The following CDH12 variants were observed in gnomAD, a reference collection of about 807,000 sequenced individuals.
CDH12 encodes the protein cadherin 12, also known as cadherin-12.
Under a neutral mutation model 74.1 loss-of-function variants are expected in CDH12, and 41 were observed. The ratio of observed to expected loss-of-function variants is 0.55; its 90% confidence interval spans 0.43 to 0.72. The LOEUF (loss-of-function observed/expected upper bound fraction) is 0.72. CDH12 is among the 30% of genes least tolerant of loss of function. The probability of loss-of-function intolerance (pLI) is 0.00; values close to 1 mark genes in which losing one functional copy is unlikely to be tolerated. For synonymous variants in CDH12, 399 were observed against 355.0 expected (o/e 1.12, Z -1.39); for missense variants, 945 against 977.2 (o/e 0.97, Z 0.44).
chr5:21,777,688 A>G (rs1198064276), intron 11 of CDH12, among the ~76,000 whole-genome samples: 1 of 152,078 alleles, frequency 6.6e-6, no homozygotes, highest in Non-Finnish European at 1.5e-5. Flanking sequence ...ACAAGATTTC[A>G]CCATGTTGGC....
chr5:21,862,506 G>A (rs1054223091), intron 6 of CDH12, among the ~76,000 whole-genome samples: 2 of 152,068 alleles, frequency 1.3e-5, no homozygotes, highest in African/African-American at 4.8e-5. Flanking sequence ...AGTAGTCATA[G>A]TTAATTCATT....
At chr5:22,686,907 C>A (rs906602487) in intron 1 of CDH12, among the ~76,000 whole-genome samples, 1 of 151,796 alleles carries the variant, frequency 6.6e-6, no homozygotes, top group Non-Finnish European at 1.5e-5. Flanking sequence ...TAAAAATACT[C>A]TCTTTTTCCT....
chr5:21,889,337 G>A (rs2150042403), intron 6 of CDH12, among the ~76,000 whole-genome samples: 1 of 152,208 alleles, frequency 6.6e-6, no homozygotes, highest in Middle Eastern at 3.4e-3. Context: ...GGGAGATGTG[G>A]TATCTGGCTC....
Position 22,830,677 on chromosome 5 carries a change from T to C in CDH12, c.-523+22381A>G, listed in dbSNP as rs1365867940. 2.6e-5 allele frequency among the ~76,000 whole-genome samples: 4 copies of C among 151,848 alleles called. No homozygotes were observed. The East Asian group carries it at 7.7e-4, about 29-fold the overall frequency. On this transcript the variant is annotated intron_variant, in intron 1 of 14. Coordinates refer to ENST00000382254, the MANE Select transcript of CDH12 (RefSeq NM_004061.5). The stretch of plus-strand genomic sequence containing the variant: ...TTCTGATTCCTAGAAAGAGATAATG[T>C]ATCATTTTTCAAATTGCCTTTAGAA...
At chr5:22,306,601 A>G (rs995037705) in intron 3 of CDH12, among the ~76,000 whole-genome samples, 4 of 152,162 alleles carry the variant, frequency 2.6e-5, no homozygotes. Flanking sequence ...CAGAAATTAA[A>G]TGAGGATGCT....
chr5:22,142,394 A>C, intron 4 of CDH12: 1 of 522,196 alleles, frequency 1.9e-6, no homozygotes, highest in Non-Finnish European at 3.7e-6. Flanking sequence ...AAAACCAAAG[A>C]AAAAACATAA....
chr5:22,401,262 G>A (rs1275045731), intron 3 of CDH12, among the ~76,000 whole-genome samples: 1 of 152,096 alleles, frequency 6.6e-6, no homozygotes, highest in African/African-American at 2.4e-5. Flanking sequence ...TATCAACTGA[G>A]ATTTAAAACT....
chr5:22,386,667 A>C (rs189992522), intron 3 of CDH12, among the ~76,000 whole-genome samples: 1 of 152,172 alleles, frequency 6.6e-6, no homozygotes. Flanking sequence ...TAAATGTGAT[A>C]ATTCATATAT....
chr5:22,472,885 T>TGCA (rs1746022872), intron 2 of CDH12, among the ~76,000 whole-genome samples: 1 of 152,138 alleles, frequency 6.6e-6, no homozygotes, highest in Admixed American at 6.6e-5. Flanking sequence ...CCTTTTAAAA[T>TGCA]GCAAGTCATA....
chr5:21,871,302 C>T (rs1312357037), intron 6 of CDH12, among the ~76,000 whole-genome samples: 1 of 152,038 alleles, frequency 6.6e-6, no homozygotes, highest in Non-Finnish European at 1.5e-5. Flanking sequence ...TTTATCTTTG[C>T]TTTAGTTCCC....
At chr5:22,847,021 C>G (rs141833506) in intron 1 of CDH12, among the ~76,000 whole-genome samples, 8 of 152,126 alleles carry the variant, frequency 5.3e-5, no homozygotes, top group Non-Finnish European at 8.8e-5. Flanking sequence ...GTTATTGACA[C>G]GACTACAATT....
intron 6 of CDH12, among the ~76,000 whole-genome samples, chr5:21,856,111 T>C (rs2150002437): frequency 6.6e-6 from 1 of 151,784 alleles, no homozygotes; most frequent in Non-Finnish European, 1.5e-5. Flanking sequence ...TGAAGACTAA[T>C]ATTATCCATC....
chr5:22,269,893 A>T (rs192264263), intron 3 of CDH12, among the ~76,000 whole-genome samples: 35 of 152,330 alleles, frequency 2.3e-4, no homozygotes, highest in African/African-American at 7.5e-4. Flanking sequence ...CTTTCATTTG[A>T]AAACAAATCA....
At chr5:22,602,392 A>G (rs182220518) in intron 1 of CDH12, among the ~76,000 whole-genome samples, 1 of 152,310 alleles carries the variant, frequency 6.6e-6, no homozygotes, top group East Asian at 1.9e-4. Flanking sequence ...GAAAACTATC[A>G]TTAGCTTATA....
intron 1 of CDH12, among the ~76,000 whole-genome samples, chr5:22,589,204 C>T: frequency 6.6e-6 from 1 of 152,082 alleles, no homozygotes. Context: ...TGAATTCCTA[C>T]AATGTGCATG....
intron 4 of CDH12, chr5:22,151,816 A>G (rs1747601563): frequency 6.6e-6 from 1 of 152,172 alleles, no homozygotes; most frequent in African/African-American, 2.4e-5. Context: ...TGTATCTTTT[A>G]CTCACATAAA....
chr5:22,282,235 T>C (rs1409901853), intron 3 of CDH12, among the ~76,000 whole-genome samples: 1 of 152,000 alleles, frequency 6.6e-6, no homozygotes, highest in Admixed American at 6.6e-5. Context: ...CTTATAAAAA[T>C]ATTAACTCAA....
intron 5 of CDH12, among the ~76,000 whole-genome samples, chr5:22,037,400 G>A (rs905963209): frequency 2.0e-5 from 3 of 152,132 alleles, no homozygotes; most frequent in Admixed American, 6.5e-5. Context: ...TGGGCCACTC[G>A]TGGCTTTTAA....
intron 2 of CDH12, among the ~76,000 whole-genome samples, chr5:22,464,097 A>G (rs2126591366): frequency 6.6e-6 from 1 of 152,260 alleles, no homozygotes; most frequent in African/African-American, 2.4e-5. Flanking sequence ...GTGATAGCAT[A>G]TGAGTCTCAC....
Sources: gnomAD v4.1 joint callset for allele counts (sites outside exome capture counted in the v4.1 genomes callset) on GRCh38, gnomAD v4.1.1 for gene constraint, MANE v1.5 for transcripts, NCBI Gene and HGNC (gene_info 2026-07-23, HGNC 2026-07-21) for gene names.